Variants in KDM4C observed in about 807,000 individuals in gnomAD.
KDM4C encodes the protein lysine demethylase 4C, also known as lysine-specific demethylase 4C.
KDM4C carries 81 observed loss-of-function variants against 129.3 expected under a neutral mutation model. That is an observed-to-expected ratio of 0.63 (90% CI 0.52 to 0.75). The LOEUF is 0.75. Among genes scored for constraint, KDM4C ranks in the 30% least tolerant of loss-of-function variants. The probability of loss-of-function intolerance (pLI) is 0.00; values close to 1 mark genes in which losing one functional copy is unlikely to be tolerated. For missense variants in KDM4C, 1,457 were observed against 1,304.0 expected (o/e 1.12, Z -1.81); for synonymous variants, 573 against 456.1 (o/e 1.26, Z -3.26).
intron 8 of KDM4C, among the ~76,000 whole-genome samples, chr9:6,977,660 C>T (rs116737456): frequency 1.3e-5 from 2 of 152,090 alleles, no homozygotes; most frequent in Non-Finnish European, 2.9e-5. Context: ...TCATTAATGC[C>T]TGTCATCTGC....
intron 19 of KDM4C, among the ~76,000 whole-genome samples, chr9:7,133,455 A>G (rs1333287896): frequency 6.6e-6 from 1 of 152,000 alleles, no homozygotes; most frequent in Non-Finnish European, 1.5e-5. Context: ...TTCTGAGTGT[A>G]TTTTTTCAGT....
intron 18 of KDM4C, among the ~76,000 whole-genome samples, chr9:7,119,315 T>C (rs1057417631): frequency 3.9e-5 from 6 of 152,186 alleles, no homozygotes; most frequent in African/African-American, 9.7e-5. Context: ...TAAAATCTTT[T>C]TAATAATTAT....
intron 8 of KDM4C, chr9:6,973,913 T>C (rs2792233): frequency 0.77 from 117,406 of 151,846 alleles, 45,672 homozygotes; most frequent in East Asian, 0.99. Context: ...ATCGCTCAGA[T>C]GGTACTTACT....
intron 4 of KDM4C, among the ~76,000 whole-genome samples, chr9:6,843,775 G>T (rs1837387356): frequency 6.6e-6 from 1 of 152,194 alleles, no homozygotes. Context: ...GGTGAGTGCA[G>T]CAGTGACACA....
chr9:6,925,579 C>A, intron 8 of KDM4C: 1 of 985,424 alleles, frequency 1.0e-6, no homozygotes, highest in Non-Finnish European at 1.2e-6. Context: ...AAGTGGGAGC[C>A]ACCATGCCTG....
rs73397833 is a variant in KDM4C, at chr9:6,972,502, T to C, written c.922-8423T>C. Among the ~76,000 whole-genome samples the C allele has an allele frequency of 9.2e-3, 1,394 of 152,326 alleles. 25 individuals are homozygous for C. Among genetic ancestry groups the C allele is most frequent in the African/African-American group, 0.032 (1,331 of 41,566 alleles). ...GCGTTGTTAAAATTAAGTTGGTGTA[T>C]TAATTCAAAATTATCTGCTTAGGAA... On this transcript the variant is annotated intron_variant, in intron 8 of 21. Coordinates refer to ENST00000381309, the MANE Select transcript of KDM4C (RefSeq NM_015061.6).
intron 15 of KDM4C, among the ~76,000 whole-genome samples, chr9:7,022,760 C>G (rs550982844): frequency 1.3e-5 from 2 of 151,526 alleles, no homozygotes; most frequent in East Asian, 3.9e-4. Flanking sequence ...AGTTTTTCAC[C>G]ACTTAAAATA....
At chr9:7,118,993 C>G (rs924088864) in intron 18 of KDM4C, among the ~76,000 whole-genome samples, 1 of 152,144 alleles carries the variant, frequency 6.6e-6, no homozygotes, top group Non-Finnish European at 1.5e-5. Context: ...TGCTCTTGCC[C>G]TAGAGATTAA....
At chr9:6,889,259 G>A (rs372060647) in intron 7 of KDM4C, among the ~76,000 whole-genome samples, 1 of 148,522 alleles carries the variant, frequency 6.7e-6, no homozygotes, top group Non-Finnish European at 1.5e-5. Flanking sequence ...GTGGGAGGGT[G>A]GGGGGGATTT....
At chr9:6,803,329 T>G (rs1564044864) in intron 2 of KDM4C, among the ~76,000 whole-genome samples, 1 of 152,034 alleles carries the variant, frequency 6.6e-6, no homozygotes, top group Non-Finnish European at 1.5e-5. Flanking sequence ...TCCCAACACT[T>G]TGGGAGGCAG....
chr9:6,789,873 G>T (rs1826196257), intron 1 of KDM4C, among the ~76,000 whole-genome samples: 1 of 152,006 alleles, frequency 6.6e-6, no homozygotes, highest in Non-Finnish European at 1.5e-5. Flanking sequence ...ATATATTTTT[G>T]TGCAGATTAT....
chr9:6,871,126 G>A (rs186249769), intron 5 of KDM4C, among the ~76,000 whole-genome samples: 1 of 152,358 alleles, frequency 6.6e-6, no homozygotes, highest in Non-Finnish European at 1.5e-5. Flanking sequence ...GATCTGAGAA[G>A]TAGGAGTTAG....
intron 19 of KDM4C, among the ~76,000 whole-genome samples, chr9:7,140,893 T>C (rs894044557): frequency 2.0e-5 from 3 of 152,118 alleles, no homozygotes; most frequent in Admixed American, 2.0e-4. Flanking sequence ...GAAATAAACA[T>C]CTTATCTAGA....
At chr9:6,985,079 G>A (rs1345134861) in intron 10 of KDM4C, among the ~76,000 whole-genome samples, 3 of 152,014 alleles carry the variant, frequency 2.0e-5, no homozygotes, top group Non-Finnish European at 4.4e-5. Context: ...GCCAGAATCC[G>A]ACTCCCTCTG....
intron 17 of KDM4C, among the ~76,000 whole-genome samples, chr9:7,077,911 G>T (rs1834105529): frequency 6.6e-6 from 1 of 152,144 alleles, no homozygotes; most frequent in Non-Finnish European, 1.5e-5. Context: ...AGGTGTTTTG[G>T]CCAGCAGATA....
intron 1 of KDM4C, among the ~76,000 whole-genome samples, chr9:6,783,770 T>C (rs1244071566): frequency 1.3e-5 from 2 of 152,314 alleles, no homozygotes; most frequent in East Asian, 1.9e-4. Flanking sequence ...AAACAACATA[T>C]TGATTGTAGC....
At chr9:6,861,983 G>T (rs1479006209) in intron 5 of KDM4C, among the ~76,000 whole-genome samples, 1 of 152,046 alleles carries the variant, frequency 6.6e-6, no homozygotes, top group Non-Finnish European at 1.5e-5. Context: ...CGTTGGCCAG[G>T]CTGGTCTTGA....
chr9:6,776,402 C>T lies in KDM4C; in HGVS notation c.-17-16570C>T, dbSNP rs548040815. 1.3e-4 allele frequency among the ~76,000 whole-genome samples: 20 copies of T among 152,074 alleles called. No homozygotes were observed. In the East Asian group the frequency reaches 1.7e-3, roughly 13 times the overall value. On this transcript the variant is annotated intron_variant, in intron 1 of 21. Coordinates refer to ENST00000381309, the MANE Select transcript of KDM4C (RefSeq NM_015061.6). Reference sequence around the variant, plus strand: ...TCAGCCTCCCGAGAAGCTGGGAATACGGGCCAATGCCATCACGACCAGCTA... The same window carrying T: ...TCAGCCTCCCGAGAAGCTGGGAATATGGGCCAATGCCATCACGACCAGCTA...
chr9:7,156,567 A>C (rs1319182272), intron 19 of KDM4C, among the ~76,000 whole-genome samples: 1 of 152,202 alleles, frequency 6.6e-6, no homozygotes, highest in Non-Finnish European at 1.5e-5. Context: ...AGCTTTCTAC[A>C]TATGGCTAGC....
Sources: gnomAD v4.1 joint callset for allele counts (sites outside exome capture counted in the v4.1 genomes callset) on GRCh38, gnomAD v4.1.1 for gene constraint, MANE v1.5 for transcripts, NCBI Gene and HGNC (gene_info 2026-07-23, HGNC 2026-07-21) for gene names.